Variants in UGT8 observed in about 807,000 individuals in gnomAD.
UGT8 encodes the protein 2-hydroxyacylsphingosine 1-beta-galactosyltransferase.
Under a neutral mutation model 40.5 loss-of-function variants are expected in UGT8, and 12 were observed. That is an observed-to-expected ratio of 0.30 (90% CI 0.19 to 0.48). The LOEUF (loss-of-function observed/expected upper bound fraction) is 0.48. Among genes scored for constraint, UGT8 ranks in the 20% least tolerant of loss-of-function variants. The pLI is 0.99. For missense variants in UGT8, 513 were observed against 648.7 expected, an observed-to-expected ratio of 0.79 and a Z score of 2.27; for synonymous variants, 224 against 240.4, an observed-to-expected ratio of 0.93 and a Z score of 0.63.
chr4:114,621,589 C>T (rs931417945), intron 1 of UGT8, among the ~76,000 whole-genome samples: 2 of 152,120 alleles, frequency 1.3e-5, no homozygotes, highest in African/African-American at 2.4e-5. Context: ...ATAAGAGACA[C>T]GTGCTGATAT....
intron 1 of UGT8, among the ~76,000 whole-genome samples, chr4:114,616,868 A>G (rs1049348967): frequency 6.6e-6 from 1 of 152,188 alleles, no homozygotes; most frequent in Non-Finnish European, 1.5e-5. Flanking sequence ...GTGTTCCTGT[A>G]TCAAATTTCA....
At chr4:114,633,479 A>G (rs1400764660) in intron 2 of UGT8, among the ~76,000 whole-genome samples, 1 of 152,194 alleles carries the variant, frequency 6.6e-6, no homozygotes, top group Non-Finnish European at 1.5e-5. Context: ...GAACTGAGAA[A>G]GATCAGTGGG....
intron 1 of UGT8, among the ~76,000 whole-genome samples, chr4:114,614,750 G>A (rs1731296377): frequency 6.6e-6 from 1 of 151,728 alleles, no homozygotes; most frequent in Admixed American, 6.6e-5. Flanking sequence ...TGAAAATCTA[G>A]AGTTACTTAT....
At chr4:114,638,637 G>A (rs1733028672) in intron 2 of UGT8, among the ~76,000 whole-genome samples, 1 of 152,212 alleles carries the variant, frequency 6.6e-6, no homozygotes, top group African/African-American at 2.4e-5. Flanking sequence ...GTGACAGAGA[G>A]CAAGGAGCTC....
rs931621307 is a variant in UGT8 at position 114,641,175 on chromosome 4, G to C, written c.822+17473G>C. Among the ~76,000 whole-genome samples, 11 of 152,274 alleles carry C rather than the reference G, an allele frequency of 7.2e-5. No individual in the cohort carries two copies. The East Asian group carries it at 2.1e-3, about 29-fold the overall frequency. ...AATTTGTAATGAATCTTTATCAACT[G>C]ATAATCAATTGCTGCTAAAAGAACC... On this transcript the variant is annotated intron_variant, in intron 2 of 5. Coordinates refer to ENST00000310836, the MANE Select transcript of UGT8 (RefSeq NM_001128174.3).
At chr4:114,645,546 G>T (rs1025661944) in intron 2 of UGT8, among the ~76,000 whole-genome samples, 2 of 151,826 alleles carry the variant, frequency 1.3e-5, no homozygotes, top group African/African-American at 4.8e-5. Flanking sequence ...ATATCACATT[G>T]TTAGAAAAAT....
At chr4:114,612,795 C>G (rs1731170803) in intron 1 of UGT8, among the ~76,000 whole-genome samples, 1 of 152,146 alleles carries the variant, frequency 6.6e-6, no homozygotes, top group African/African-American at 2.4e-5. Flanking sequence ...TACCCTACGT[C>G]TACTGAACCA....
intron 1 of UGT8, among the ~76,000 whole-genome samples, chr4:114,599,727 C>T (rs1730325724): frequency 6.6e-6 from 1 of 151,948 alleles, no homozygotes; most frequent in Non-Finnish European, 1.5e-5. Flanking sequence ...GAGAGAAGGA[C>T]GCGCTGCTGG....
Position 114,664,187 on chromosome 4 carries a change from C to T in UGT8, c.965+50C>T, listed in dbSNP as rs886879356. ...CTTTGCTATTGACAATCAATATCTC[C>T]TTGTTTAGTGCACAGGTCCCAGTAA... is the stretch of plus-strand genomic sequence containing the variant. On this transcript the variant is annotated intron_variant, in intron 3 of 5. Coordinates refer to ENST00000310836, the MANE Select transcript of UGT8 (RefSeq NM_001128174.3). The T allele has an allele frequency of 3.1e-6, 5 of 1,593,520 alleles. No individual in the cohort carries two copies. In the African/African-American group the frequency reaches 4.0e-5, roughly 13 times the overall value.
At chr4:114,606,551 C>G (rs1393850923) in intron 1 of UGT8, among the ~76,000 whole-genome samples, 3 of 152,100 alleles carry the variant, frequency 2.0e-5, no homozygotes, top group Admixed American at 6.6e-5. Flanking sequence ...CCTGTCTATT[C>G]AAAAGGAGGG....
At chr4:114,675,786 T>G in intron 5 of UGT8, 139 bp from the exon 6 acceptor site, 1 of 689,360 alleles carries the variant, frequency 1.5e-6, no homozygotes, top group South Asian at 2.6e-5. Flanking sequence ...TTTAAAGCAC[T>G]TAACACAGTG....
intron 2 of UGT8, among the ~76,000 whole-genome samples, chr4:114,657,490 G>A (rs772294976): frequency 2.0e-5 from 3 of 152,184 alleles, no homozygotes; most frequent in Non-Finnish European, 4.4e-5. Context: ...CTTCTGTAGC[G>A]TAATTGTAGT....
At chr4:114,604,944 C>T (rs560178518) in intron 1 of UGT8, among the ~76,000 whole-genome samples, 4 of 151,878 alleles carry the variant, frequency 2.6e-5, no homozygotes, top group African/African-American at 9.7e-5. Flanking sequence ...TAGTCCTTCA[C>T]GATTTATGGC....
intron 5 of UGT8, among the ~76,000 whole-genome samples, chr4:114,668,888 C>T (rs1053408006): frequency 1.3e-5 from 2 of 152,054 alleles, no homozygotes; most frequent in East Asian, 1.9e-4. Flanking sequence ...ATTGATGGGT[C>T]CTGAGTTAAG....
intron 2 of UGT8, among the ~76,000 whole-genome samples, chr4:114,633,212 G>T (rs150911532): frequency 1.6e-4 from 24 of 152,308 alleles, no homozygotes; most frequent in African/African-American, 4.6e-4. Flanking sequence ...AATGTTAAGT[G>T]CAGTTCATGG....
chr4:114,656,850 C>T (rs1406197047), intron 2 of UGT8: 2 of 510,122 alleles, frequency 3.9e-6, no homozygotes, highest in East Asian at 5.5e-5. Flanking sequence ...CCCATATCTA[C>T]TTACTGTAGG....
intron 4 of UGT8, among the ~76,000 whole-genome samples, 186 bp downstream of exon 4, chr4:114,665,942 A>C (rs1342291987): frequency 6.6e-6 from 1 of 151,598 alleles, no homozygotes; most frequent in East Asian, 1.9e-4. Flanking sequence ...TTAAGTCTTT[A>C]TTTATTGGAA....
At chr4:114,674,258 A>G (rs1192168043) in intron 5 of UGT8, among the ~76,000 whole-genome samples, 1 of 144,132 alleles carries the variant, frequency 6.9e-6, no homozygotes, top group Non-Finnish European at 1.6e-5. Flanking sequence ...TTCCAGCAGC[A>G]TGTCCCGTGT....
intron 1 of UGT8, among the ~76,000 whole-genome samples, chr4:114,617,858 G>T (rs573122629): frequency 1.3e-5 from 2 of 152,194 alleles, no homozygotes; most frequent in Admixed American, 6.5e-5. Flanking sequence ...TCCAAAGGAA[G>T]GATGAGAGTA....
Sources: gnomAD v4.1 joint callset for allele counts (sites outside exome capture counted in the v4.1 genomes callset) on GRCh38, gnomAD v4.1.1 for gene constraint, MANE v1.5 for transcripts, NCBI Gene and HGNC (gene_info 2026-07-23, HGNC 2026-07-21) for gene names.